Variants in SPON1 observed in about 807,000 individuals in gnomAD.
SPON1 encodes the protein spondin 1, also known as spondin-1.
SPON1 carries 52 observed loss-of-function variants against 111.7 expected under a neutral mutation model. The ratio of observed to expected loss-of-function variants is 0.47; its 90% CI spans 0.37 to 0.59. The LOEUF (loss-of-function observed/expected upper bound fraction) is 0.59. Among genes scored for constraint, SPON1 ranks in the 20% least tolerant of loss-of-function variants. The pLI, the probability that SPON1 is intolerant of heterozygous loss-of-function variation, is 0.00. For synonymous variants in SPON1, 410 were observed against 395.8 expected (o/e 1.04, Z -0.43); for missense variants, 957 against 1,068.5 (o/e 0.90, Z 1.46).
At chr11:14,055,386 A>C (rs1353288948) in intron 3 of SPON1, among the ~76,000 whole-genome samples, 4 of 152,194 alleles carry the variant, frequency 2.6e-5, no homozygotes, top group Admixed American at 2.6e-4. Context: ...CTAGTGCCGG[A>C]GGATCCTCTA....
intron 6 of SPON1, among the ~76,000 whole-genome samples, chr11:14,199,960 C>T (rs1848443726): frequency 6.6e-6 from 1 of 152,186 alleles, no homozygotes; most frequent in Non-Finnish European, 1.5e-5. Context: ...TATTCCAAAC[C>T]GCTTACAGTA....
chr11:14,027,589 A>G (rs1848528204), intron 2 of SPON1, among the ~76,000 whole-genome samples: 2 of 152,322 alleles, frequency 1.3e-5, no homozygotes, highest in East Asian at 1.9e-4. Context: ...AAATCAAACC[A>G]TTGCAAACCC....
At chr11:14,160,985 A>ATATATC (rs1847940148) in intron 6 of SPON1, among the ~76,000 whole-genome samples, 1 of 57,462 alleles carries the variant, frequency 1.7e-5, no homozygotes, top group African/African-American at 6.5e-5. Context: ...TTATATATTT[A>ATATATC]TATATATTTT....
At chr11:14,249,158 G>A (rs1295932687) in intron 7 of SPON1, among the ~76,000 whole-genome samples, 2 of 152,156 alleles carry the variant, frequency 1.3e-5, no homozygotes, top group African/African-American at 4.8e-5. Context: ...CAGCCACTCT[G>A]CCGGATTAAC....
chr11:14,152,874 G>A (rs1272915998), intron 6 of SPON1, among the ~76,000 whole-genome samples: 3 of 152,102 alleles, frequency 2.0e-5, no homozygotes, highest in African/African-American at 7.2e-5. Context: ...TGTTTCAGTG[G>A]CCAAGGGATA....
intron 2 of SPON1, among the ~76,000 whole-genome samples, chr11:14,005,248 T>C (rs1848350236): frequency 6.6e-6 from 1 of 152,228 alleles, no homozygotes; most frequent in South Asian, 2.1e-4. Context: ...CCCTGTGTCC[T>C]CTGGGATGGT....
chr11:14,034,190 T>C (rs372762534), intron 2 of SPON1, among the ~76,000 whole-genome samples: 2 of 152,160 alleles, frequency 1.3e-5, no homozygotes, highest in East Asian at 1.9e-4. Flanking sequence ...TAATACATCA[T>C]CATTGTTGAA....
intron 5 of SPON1, among the ~76,000 whole-genome samples, chr11:14,111,058 G>A (rs146609905): frequency 1.3e-5 from 2 of 152,166 alleles, no homozygotes; most frequent in Admixed American, 6.5e-5. Context: ...TCCATCTCTT[G>A]TAGTAATATC....
At chr11:14,087,043 T>G (rs2133835912) in intron 5 of SPON1, among the ~76,000 whole-genome samples, 1 of 152,290 alleles carries the variant, frequency 6.6e-6, no homozygotes, top group East Asian at 1.9e-4. Context: ...CTTTTCTTCT[T>G]TATTAGTCTG....
chr11:14,015,870 A>G (rs1387398295), intron 2 of SPON1, among the ~76,000 whole-genome samples: 4 of 152,116 alleles, frequency 2.6e-5, no homozygotes, highest in African/African-American at 9.7e-5. Flanking sequence ...GTCACCTTTG[A>G]CTTTACCTGC....
rs143735026 is a variant in SPON1 at position 14,045,393 on chromosome 11, A to G, written c.479+3739A>G. Among the ~76,000 whole-genome samples the G allele has an allele frequency of 4.9e-4, 75 of 152,132 alleles. 1 individual carries two copies. The highest frequency in any genetic ancestry group is 1.7e-3 in the African/African-American group (70 of 41,530). On this transcript the variant is annotated intron_variant, in intron 3 of 15. Coordinates refer to ENST00000576479, the MANE Select transcript of SPON1 (RefSeq NM_006108.4). ...GGAGTTCGAGACCAGCCTGGCCAAC[A>G]TGGTGAAACCCCCGTCTCTTCTAAA...
rs1041731868 is a variant in SPON1, at chr11:14,231,216, C to T, written c.826-12116C>T. ...TGGCATGATCACAGCTCACTGCAAC[C>T]TTCACCTCCCAGGTTCAAGCAATTC... On this transcript the variant is annotated intron_variant, in intron 6 of 15. Transcript: ENST00000576479. Among the ~76,000 whole-genome samples, 14 of 151,850 alleles carry T rather than the reference C, an allele frequency of 9.2e-5. 1 individual carries two copies. The highest frequency in any genetic ancestry group is 1.0e-4 in the Non-Finnish European group (7 of 67,974).
chr11:14,085,103 G>A (rs782129710), intron 5 of SPON1, among the ~76,000 whole-genome samples: 5 of 152,030 alleles, frequency 3.3e-5, no homozygotes, highest in Admixed American at 6.6e-5. Flanking sequence ...TTGCCTGTTC[G>A]CTGTGATGCT....
intron 6 of SPON1, among the ~76,000 whole-genome samples, chr11:14,192,561 G>A (rs566247006): frequency 1.8e-4 from 28 of 152,172 alleles, no homozygotes; most frequent in Non-Finnish European, 3.1e-4. Flanking sequence ...TACAAAAGGT[G>A]AATTTAAGCA....
chr11:14,087,568 T>C (rs971977627), intron 5 of SPON1, among the ~76,000 whole-genome samples: 1 of 152,224 alleles, frequency 6.6e-6, no homozygotes, highest in Non-Finnish European at 1.5e-5. Context: ...CTTCCAATTA[T>C]GTGGTCAATT....
In SPON1 at chr11:14,243,340, G is replaced by C; in HGVS notation, c.834G>C (p.Glu278Asp). 6.3e-7 allele frequency: 1 copy of C among 1,582,476 alleles called. No individual in the cohort carries two copies. The highest frequency in any genetic ancestry group is 8.6e-7 in the Non-Finnish European group (1 of 1,163,620). ...GTGGTCCTTTTTTGCAGAGTGATGA[G>C]GTCCTCACCGTCATCAAAGCCAAAG... ...MEEEIRQQSD[E>D]VLTVIKAKAQ... The change falls in exon 7 of 16, where the codon GAG (glutamate) becomes GAC (aspartate). Residue 278 changes from glutamate to aspartate, a missense_variant. Around this residue, in one of 5 missense-constraint regions of SPON1, gnomAD observed 122 missense variants for 143.2 expected, o/e 0.85. Coordinates refer to ENST00000576479, the MANE Select transcript of SPON1 (RefSeq NM_006108.4).
intron 6 of SPON1, among the ~76,000 whole-genome samples, chr11:14,242,532 G>A (rs1554939794): frequency 6.6e-6 from 1 of 152,168 alleles, no homozygotes. Flanking sequence ...TGGACCTGTG[G>A]AGGCCTCCAG....
intron 5 of SPON1, among the ~76,000 whole-genome samples, chr11:14,109,147 T>A (rs191930743): frequency 2.6e-5 from 4 of 152,158 alleles, no homozygotes; most frequent in Non-Finnish European, 4.4e-5. Context: ...TCTTTACAAC[T>A]CTTTGTGCCC....
At chr11:14,230,629 C>T (rs1554938590) in intron 6 of SPON1, among the ~76,000 whole-genome samples, 2 of 152,240 alleles carry the variant, frequency 1.3e-5, no homozygotes, top group Non-Finnish European at 2.9e-5. Flanking sequence ...CCGCCCTACT[C>T]TCCTCCACAG....
Sources: allele counts gnomAD v4.1 joint callset (sites outside exome capture counted in the v4.1 genomes callset), GRCh38; gene constraint gnomAD v4.1.1; regional missense constraint gnomAD v4.1.1; transcripts MANE v1.5; gene names NCBI Gene and HGNC (gene_info 2026-07-23, HGNC 2026-07-21).